The following PIK3R4 variants were observed in gnomAD, a reference collection of about 807,000 sequenced individuals.
The protein encoded by PIK3R4 is phosphoinositide 3-kinase regulatory subunit 4.
PIK3R4 carries 46 observed loss-of-function variants against 136.5 expected under a neutral mutation model. The observed-to-expected ratio is 0.34, with a 90% confidence interval of 0.27 to 0.43. PIK3R4 has a LOEUF of 0.43. PIK3R4 is among the 20% of genes least tolerant of loss of function. The pLI is 1.00. For synonymous variants in PIK3R4, 557 were observed against 566.7 expected (o/e 0.98, Z 0.24); for missense variants, 1,331 against 1,649.5 (o/e 0.81, Z 3.35).
chr3:130,737,415 TTTGGGA>T (rs752303252), intron 2 of PIK3R4, among the ~76,000 whole-genome samples: 4 of 152,190 alleles, frequency 2.6e-5, no homozygotes, highest in Non-Finnish European at 4.4e-5. Context: ...ATCCCACCAC[TTTGGGA>T]GGCCAAGGCA....
intron 9 of PIK3R4, among the ~76,000 whole-genome samples, chr3:130,710,149 A>G (rs1326449339): frequency 6.6e-6 from 1 of 152,104 alleles, no homozygotes; most frequent in African/African-American, 2.4e-5. Context: ...AATATCCACT[A>G]AAGTGAGCAA....
chr3:130,715,268 C>T (rs532092230), intron 9 of PIK3R4, among the ~76,000 whole-genome samples: 1 of 151,914 alleles, frequency 6.6e-6, no homozygotes, highest in Non-Finnish European at 1.5e-5. Context: ...GGATTACAGG[C>T]ACACAACACT....
At chr3:130,704,162 C>A (rs1301545183) in intron 12 of PIK3R4, among the ~76,000 whole-genome samples, 3 of 152,104 alleles carry the variant, frequency 2.0e-5, no homozygotes, top group African/African-American at 7.2e-5. Context: ...ACAGCAGTTA[C>A]CTGAAAATGA....
At chr3:130,737,625 A>G (rs1426713071) in intron 2 of PIK3R4, among the ~76,000 whole-genome samples, 1 of 152,090 alleles carries the variant, frequency 6.6e-6, no homozygotes, top group Non-Finnish European at 1.5e-5. Context: ...GGGCCACTAC[A>G]CTCCAGCCTG....
At chr3:130,687,794 A>C (rs749391214) in intron 14 of PIK3R4, among the ~76,000 whole-genome samples, 11 of 152,228 alleles carry the variant, frequency 7.2e-5, no homozygotes, top group Admixed American at 1.3e-4. Context: ...CTTTCAATGT[A>C]CTTTTTTAAA....
intron 4 of PIK3R4, among the ~76,000 whole-genome samples, chr3:130,731,505 C>G (rs2066760091): frequency 6.6e-6 from 1 of 152,106 alleles, no homozygotes; most frequent in Non-Finnish European, 1.5e-5. Flanking sequence ...CCTGCTCGCC[C>G]TAAAAATGGA....
rs79241321 is a variant in PIK3R4 at position 130,698,516 on chromosome 3, T to C, written c.3098+5207A>G. On this transcript the variant is annotated intron_variant, in intron 13 of 19. Coordinates refer to ENST00000356763, the MANE Select transcript of PIK3R4 (RefSeq NM_014602.3). ...CAGCAAATTTTCTGTTATTATACTT[T>C]TCAGTTCCAGAATTTCTATTTTATG... is the stretch of plus-strand genomic sequence containing the variant. Among the ~76,000 whole-genome samples, 633 of 152,320 alleles carry C rather than the reference T, an allele frequency of 4.2e-3. 1 individual carries two copies. Among genetic ancestry groups the C allele is most frequent in the African/African-American group, 0.014 (590 of 41,568 alleles).
Position 130,684,247 on chromosome 3 carries a change from T to TA in PIK3R4, c.3607+2dup, listed in dbSNP as rs1337948135. On this transcript the variant is annotated splice_region_variant and intron_variant, in intron 16 of 19. Coordinates refer to ENST00000356763, the MANE Select transcript of PIK3R4 (RefSeq NM_014602.3). ...ACACATGAAAGCCAGCCCTCCATCTTACCTGCAATCACCCAGGACTGATAC... is the reference window on the plus strand; with the variant it reads ...ACACATGAAAGCCAGCCCTCCATCTTAACCTGCAATCACCCAGGACTGATAC... 6.2e-7 allele frequency: 1 copy of TA among 1,611,456 alleles called. No individual in the cohort carries two copies. The highest frequency in any genetic ancestry group is 8.5e-7 in the Non-Finnish European group (1 of 1,178,092).
Position 130,728,595 on chromosome 3 carries a change from T to C in PIK3R4, c.1675A>G (p.Asn559Asp). 6.2e-7 allele frequency: 1 copy of C among 1,613,212 alleles called. No homozygotes were observed. The highest frequency in any genetic ancestry group is 8.5e-7 in the Non-Finnish European group (1 of 1,179,606). The change falls in exon 6 of 20, where the codon AAT (asparagine) becomes GAT (aspartate). Residue 559 changes from asparagine (N) to aspartate (D), a missense_variant. Physicochemically the swap from Asn to Asp is conservative, Grantham distance 23. This residue lies in a region of PIK3R4 where 1,180 missense variants were observed against 1,407.0 expected (regional missense o/e 0.84). Coordinates refer to ENST00000356763, the MANE Select transcript of PIK3R4 (RefSeq NM_014602.3). ...AATACACACAGCCGTGTTATTCCAT[T>C]TTCCATCAAGGTTTGTTTTACAATA... ...ENIVKQTLME[N>D]GITRLCVFFG...
intron 6 of PIK3R4, 71 bp downstream of exon 6, chr3:130,728,392 C>A: frequency 1.1e-6 from 1 of 890,492 alleles, no homozygotes; most frequent in Non-Finnish European, 1.7e-6. Flanking sequence ...ATCATCTATC[C>A]TTCAGATTGC....
rs188979825 is a variant in PIK3R4 at position 130,745,867 on chromosome 3, A to G, written c.-47+451T>C. 5.5e-4 allele frequency among the ~76,000 whole-genome samples: 84 copies of G among 152,206 alleles called. 1 individual carries two copies. Among genetic ancestry groups the G allele is most frequent in the Middle Eastern group, 3.4e-3 (1 of 294 alleles). ...TTAAAATCCCGTCTCTACTAAAAAT[A>G]CAAAAATTAGCCGGGCGTGGTAGTG... On this transcript the variant is annotated intron_variant, in intron 1 of 19. Transcript: ENST00000356763.
At position 130,716,385 on chromosome 3, in the gene PIK3R4, G is replaced by A; in HGVS notation, c.2331+11C>T. ...GCATTTAAATGTAAGACTTTGGAAGGGTGATACAACCTGTGAGAGCAACTT... is the reference window on the plus strand; with the variant it reads ...GCATTTAAATGTAAGACTTTGGAAGAGTGATACAACCTGTGAGAGCAACTT... On this transcript the variant is annotated intron_variant, in intron 9 of 19. Coordinates refer to ENST00000356763, the MANE Select transcript of PIK3R4 (RefSeq NM_014602.3). 1 of 1,605,504 alleles carries A rather than the reference G, an allele frequency of 6.2e-7. No homozygotes were observed. Among genetic ancestry groups the A allele is most frequent in the Non-Finnish European group, 8.5e-7 (1 of 1,172,630 alleles).
intron 2 of PIK3R4, among the ~76,000 whole-genome samples, chr3:130,743,849 C>G (rs925041468): frequency 2.6e-5 from 4 of 152,220 alleles, no homozygotes; most frequent in African/African-American, 9.6e-5. Context: ...CCTTTCTGAT[C>G]TGGCTGAGTT....
At chr3:130,714,106 T>C (rs970545433) in intron 9 of PIK3R4, among the ~76,000 whole-genome samples, 2 of 152,330 alleles carry the variant, frequency 1.3e-5, no homozygotes, top group Middle Eastern at 3.4e-3. Flanking sequence ...AAGGATTACT[T>C]ACTCAGGAGA....
rs12492349 is a variant in PIK3R4 at position 130,741,260 on chromosome 3, T to C, written c.733+3226A>G. ...TAAGAAAGGACACCATGTATGCTCA[T>C]TCACAGAGAAAAACCCATGAGGACA... On this transcript the variant is annotated intron_variant, in intron 2 of 19. Transcript: ENST00000356763. 9.0e-3 allele frequency among the ~76,000 whole-genome samples: 1,365 copies of C among 152,236 alleles called. 19 individuals are homozygous for C. Among genetic ancestry groups the C allele is most frequent in the East Asian group, 0.052 (271 of 5,176 alleles).
intron 13 of PIK3R4, among the ~76,000 whole-genome samples, chr3:130,695,211 G>A (rs1404309999): frequency 1.3e-5 from 2 of 151,944 alleles, no homozygotes; most frequent in Admixed American, 6.6e-5. Flanking sequence ...ATTAATTATG[G>A]GTATTGGTCT....
At chr3:130,697,096 A>T (rs2107604544) in intron 13 of PIK3R4, among the ~76,000 whole-genome samples, 1 of 89,874 alleles carries the variant, frequency 1.1e-5, no homozygotes, top group African/African-American at 4.3e-5. Context: ...TTTGAGACGG[A>T]GTCTTGCTCT....
chr3:130,718,271 A>G, intron 8 of PIK3R4, 118 bp downstream of exon 8: 1 of 830,056 alleles, frequency 1.2e-6, no homozygotes, highest in Non-Finnish European at 1.9e-6. Context: ...GAATATAAAC[A>G]TGCTATAGCC....
rs1325016536 is a variant in PIK3R4, at chr3:130,686,203, T to A, written c.3475+8A>T. On this transcript the variant is annotated splice_region_variant and intron_variant, in intron 15 of 19. Transcript: ENST00000356763. ...AAAACCCAGCCAATGACTTGAAAGTTAGCTTACCAATGCAGAGCCAGCATT... is the reference window on the plus strand; with the variant it reads ...AAAACCCAGCCAATGACTTGAAAGTAAGCTTACCAATGCAGAGCCAGCATT... The A allele has an allele frequency of 4.4e-6, 7 of 1,590,306 alleles. No homozygotes were observed. The highest frequency in any genetic ancestry group is 6.0e-6 in the Non-Finnish European group (7 of 1,158,752).
Sources: allele counts gnomAD v4.1 joint callset (sites outside exome capture counted in the v4.1 genomes callset), GRCh38; gene constraint gnomAD v4.1.1; regional missense constraint gnomAD v4.1.1; transcripts MANE v1.5; gene names NCBI Gene and HGNC (gene_info 2026-07-23, HGNC 2026-07-21).